The following DOK5 variants were observed in gnomAD, a reference collection of about 807,000 sequenced individuals.
The protein encoded by DOK5 is docking protein 5, also known as downstream of tyrosine kinase 5.
Under a neutral mutation model 43.3 loss-of-function variants are expected in DOK5, and 27 were observed. The ratio of observed to expected loss-of-function variants is 0.62; its 90% confidence interval spans 0.46 to 0.86. DOK5 has a LOEUF of 0.86. Ranked by LOEUF, DOK5 falls within the 40% of genes least tolerant of loss-of-function variation. DOK5 has a pLI of 0.00. For missense variants in DOK5, 373 were observed against 392.9 expected, an observed-to-expected ratio of 0.95 and a Z score of 0.43; for synonymous variants, 146 against 140.1, an observed-to-expected ratio of 1.04 and a Z score of -0.30.
At chr20:54,641,727 T>C (rs1028320139) in intron 6 of DOK5, among the ~76,000 whole-genome samples, 3 of 152,152 alleles carry the variant, frequency 2.0e-5, no homozygotes, top group Non-Finnish European at 4.4e-5. Flanking sequence ...TTGCACTAGG[T>C]CTGTAACCCC....
intron 6 of DOK5, among the ~76,000 whole-genome samples, chr20:54,610,986 T>C (rs149197837): frequency 1.1e-3 from 172 of 152,276 alleles, no homozygotes; most frequent in Middle Eastern, 3.4e-3. Context: ...TCTAGGTAGA[T>C]CCCTTGATTT....
intron 6 of DOK5, among the ~76,000 whole-genome samples, chr20:54,611,333 A>G (rs939450670): frequency 6.6e-6 from 1 of 152,150 alleles, no homozygotes; most frequent in South Asian, 2.1e-4. Context: ...AGGCTGAGGC[A>G]GACTGATTGC....
intron 6 of DOK5, among the ~76,000 whole-genome samples, chr20:54,617,087 G>C (rs2146801016): frequency 6.6e-6 from 1 of 152,256 alleles, no homozygotes; most frequent in East Asian, 1.9e-4. Flanking sequence ...ACTGCGCCCA[G>C]CCAAGGATCC....
At chr20:54,575,956 T>C (rs953196019) in intron 2 of DOK5, among the ~76,000 whole-genome samples, 4 of 152,216 alleles carry the variant, frequency 2.6e-5, no homozygotes, top group African/African-American at 9.6e-5. Flanking sequence ...ATCATTCTTT[T>C]AGTTTTTCCA....
At chr20:54,559,567 G>A (rs1421662399) in intron 2 of DOK5, among the ~76,000 whole-genome samples, 1 of 152,180 alleles carries the variant, frequency 6.6e-6, no homozygotes, top group Non-Finnish European at 1.5e-5. Flanking sequence ...CAAAGAAATT[G>A]GCAACTGCAA....
At chr20:54,520,555 G>A (rs889272145) in intron 1 of DOK5, among the ~76,000 whole-genome samples, 1 of 152,044 alleles carries the variant, frequency 6.6e-6, no homozygotes, top group Non-Finnish European at 1.5e-5. Context: ...AAGGCAGGAG[G>A]ATTTTTTGAG....
intron 1 of DOK5, among the ~76,000 whole-genome samples, chr20:54,511,073 T>C (rs913182273): frequency 5.3e-5 from 8 of 152,336 alleles, no homozygotes; most frequent in African/African-American, 1.9e-4. Flanking sequence ...TTTATTAAGC[T>C]TTACCTTGAC....
At position 54,475,787 on chromosome 20, in the gene DOK5, G is replaced by A. The variant is rs1046889130; in HGVS notation, c.-160G>A. 7.3e-5 allele frequency: 60 copies of A among 826,614 alleles called. 2 individuals carry two copies. The South Asian group carries it at 8.1e-4, about 11-fold the overall frequency. The allele number at this position is 826,614 out of a possible 1,614,324, so 51.2% of individuals were successfully genotyped here. On this transcript the variant is annotated 5_prime_UTR_variant, in exon 1 of 8. In the 5' UTR this introduces an upstream ATG that the reference lacks. Coordinates refer to ENST00000262593, the MANE Select transcript of DOK5 (RefSeq NM_018431.5). The surrounding 1 kb of genome is among the most constrained non-coding windows in gnomAD (Gnocchi z 4.2). The stretch of plus-strand genomic sequence containing the variant: ...TGTCAGGGTTGGGGGGACAGAGAAA[G>A]TGATGTGCGCCTTCTAAAGCCTCGC...
At chr20:54,480,909 C>A (rs531954890) in intron 1 of DOK5, among the ~76,000 whole-genome samples, 2 of 143,862 alleles carry the variant, frequency 1.4e-5, no homozygotes, top group Non-Finnish European at 3.0e-5. Flanking sequence ...CTCCATCTAT[C>A]TATCTATCTA....
At chr20:54,531,361 G>A (rs976279052) in intron 1 of DOK5, among the ~76,000 whole-genome samples, 5 of 152,194 alleles carry the variant, frequency 3.3e-5, no homozygotes, top group Non-Finnish European at 7.3e-5. Flanking sequence ...AGCCAGGGAA[G>A]TCTTTCAATT....
intron 1 of DOK5, among the ~76,000 whole-genome samples, chr20:54,531,922 G>A (rs1349352287): frequency 6.6e-6 from 1 of 152,172 alleles, no homozygotes; most frequent in Non-Finnish European, 1.5e-5. Flanking sequence ...ATTACTTTAA[G>A]TGTAGTTTGT....
At chr20:54,511,349 G>A (rs1262980260) in intron 1 of DOK5, among the ~76,000 whole-genome samples, 1 of 152,140 alleles carries the variant, frequency 6.6e-6, no homozygotes, top group African/African-American at 2.4e-5. Flanking sequence ...AGGTACTTAG[G>A]TTTAGGAAGG....
At chr20:54,565,943 G>A (rs1336996677) in intron 2 of DOK5, among the ~76,000 whole-genome samples, 5 of 151,448 alleles carry the variant, frequency 3.3e-5, no homozygotes, top group African/African-American at 9.7e-5. Flanking sequence ...ACTTGAACCC[G>A]GGAGGCAGAG....
At chr20:54,547,847 G>A (rs935369811) in intron 1 of DOK5, among the ~76,000 whole-genome samples, 2 of 152,166 alleles carry the variant, frequency 1.3e-5, no homozygotes, top group Non-Finnish European at 2.9e-5. Flanking sequence ...TGTGGGGATT[G>A]ACTTGTTCAA....
Position 54,565,194 on chromosome 20 carries a change from CTA to C in DOK5, c.174+10156_174+10157del, listed in dbSNP as rs1453829944. 3.3e-5 allele frequency among the ~76,000 whole-genome samples: 5 copies of C among 152,154 alleles called. No individual in the cohort carries two copies. In the East Asian group the frequency reaches 5.8e-4, roughly 18 times the overall value. ...TGTATACCTCTCAACCCTATATATT[CTA>C]TGTTTTTTCCTATCCATACATACCT... On this transcript the variant is annotated intron_variant, in intron 2 of 7. Coordinates refer to ENST00000262593, the MANE Select transcript of DOK5 (RefSeq NM_018431.5).
intron 4 of DOK5, among the ~76,000 whole-genome samples, chr20:54,589,874 G>A (rs139602344): frequency 1.3e-3 from 203 of 152,148 alleles, no homozygotes; most frequent in African/African-American, 4.6e-3. Context: ...TAGAAGCCCT[G>A]GGTAATTCAG....
At chr20:54,535,908 A>T (rs986170450) in intron 1 of DOK5, among the ~76,000 whole-genome samples, 5 of 152,234 alleles carry the variant, frequency 3.3e-5, no homozygotes, top group African/African-American at 9.6e-5. Flanking sequence ...TGGAAATGTC[A>T]GGCCTATTCT....
intron 6 of DOK5, among the ~76,000 whole-genome samples, chr20:54,630,333 A>G (rs1435490198): frequency 6.6e-6 from 1 of 152,180 alleles, no homozygotes; most frequent in African/African-American, 2.4e-5. Context: ...TCAAGATTGT[A>G]GTTGTTTCTG....
chr20:54,517,239 G>T (rs1291694733), intron 1 of DOK5, among the ~76,000 whole-genome samples: 1 of 152,140 alleles, frequency 6.6e-6, no homozygotes, highest in African/African-American at 2.4e-5. Context: ...ACCTATTTGG[G>T]TTAGCTTAGC....
Sources: gnomAD v4.1 joint callset for allele counts (sites outside exome capture counted in the v4.1 genomes callset) on GRCh38, gnomAD v4.1.1 for gene constraint, Gnocchi (gnomAD v3.1) non-coding constraint, MANE v1.5 for transcripts, NCBI Gene and HGNC (gene_info 2026-07-23, HGNC 2026-07-21) for gene names.